SERPINB10: variants seen among roughly 807,000 people sequenced by gnomAD.
SERPINB10 encodes serpin B10.
A neutral mutation model predicts 39.1 loss-of-function variants in SERPINB10; 35 were observed. The ratio of observed to expected loss-of-function variants is 0.90; its 90% CI spans 0.68 to 1.19. The LOEUF is 1.19. Among genes scored for constraint, SERPINB10 ranks in the 50% most tolerant of loss-of-function variants. SERPINB10 has a pLI of 0.00. For missense variants in SERPINB10, 546 were observed against 460.5 expected, an observed-to-expected ratio of 1.19 and a Z score of -1.70; for synonymous variants, 190 against 158.1, an observed-to-expected ratio of 1.20 and a Z score of -1.52.
intron 1 of SERPINB10, among the ~76,000 whole-genome samples, chr18:63,914,808 G>T (rs1424979628): frequency 6.6e-6 from 1 of 151,908 alleles, no homozygotes; most frequent in Non-Finnish European, 1.5e-5. Context: ...CCAGCTGTTT[G>T]GTTGCTTCCA....
In SERPINB10 at chr18:63,934,886, G is replaced by T. The variant is rs1180492827; in HGVS notation, c.838G>T (p.Asp280Tyr). ...YEKLNEWTSA[D>Y]MMELYEVQLH... Reference sequence around the variant, plus strand: ...GAAGCTGAATGAGTGGACCAGTGCAGACATGATGGAGTTGTATGAAGTGCA... The same window carrying T: ...GAAGCTGAATGAGTGGACCAGTGCATACATGATGGAGTTGTATGAAGTGCA... Residue 280 changes from aspartate (D) to tyrosine (Y), a missense_variant, in exon 8 of 8, where the codon GAC becomes TAC. By Grantham distance (160) the Asp-to-Tyr change is radical (BLOSUM62 -3). Transcript: ENST00000238508. 6.2e-7 allele frequency: 1 copy of T among 1,614,118 alleles called. No homozygotes were observed. Among genetic ancestry groups the T allele is most frequent in the African/African-American group, 1.3e-5 (1 of 75,054 alleles).
intron 1 of SERPINB10, 108 bp from the exon 2 acceptor site, chr18:63,915,394 T>C (rs2050093607): frequency 1.5e-6 from 1 of 672,056 alleles, no homozygotes; most frequent in Non-Finnish European, 2.4e-6. Flanking sequence ...ATTCAGCTCA[T>C]ATGACAATGT....
chr18:63,912,280 C>T (rs1283925319), intron 1 of SERPINB10, among the ~76,000 whole-genome samples: 1 of 151,848 alleles, frequency 6.6e-6, no homozygotes, highest in Non-Finnish European at 1.5e-5. Flanking sequence ...TTATGTCTTT[C>T]TCTTGTCTCA....
chr18:63,910,412 G>A (rs1233620392), intron 1 of SERPINB10, among the ~76,000 whole-genome samples: 1 of 151,930 alleles, frequency 6.6e-6, no homozygotes, highest in Admixed American at 6.6e-5. Flanking sequence ...CCTAGGTAGT[G>A]AGCATAGTAC....
chr18:63,912,127 G>A (rs936710164), intron 1 of SERPINB10, among the ~76,000 whole-genome samples: 9 of 151,924 alleles, frequency 5.9e-5, no homozygotes, highest in Admixed American at 1.3e-4. Flanking sequence ...TTTGTACGTC[G>A]ATTTTGTGTT....
rs755816392 is a variant in SERPINB10 at position 63,934,777 on chromosome 18, T to C, written c.790-61T>C. On this transcript the variant is annotated intron_variant, in intron 7 of 7. Transcript: ENST00000238508. ...GTAATTCCTAGGGTGCTCTCTCTAC[T>C]ACTGTTTTTCATTCCACTTTGGAAT... is the stretch of plus-strand genomic sequence containing the variant. 1.2e-5 allele frequency: 19 copies of C among 1,528,044 alleles called. No homozygotes were observed. The East Asian group carries it at 3.2e-4, about 25-fold the overall frequency. The allele number at this position is 1,528,044 out of a possible 1,614,324, so 94.7% of individuals were successfully genotyped here.
intron 1 of SERPINB10, among the ~76,000 whole-genome samples, chr18:63,912,744 T>C (rs930256919): frequency 6.6e-6 from 1 of 152,004 alleles, no homozygotes; most frequent in South Asian, 2.1e-4. Flanking sequence ...GGTTTCTTCT[T>C]CTATTGTGTT....
At chr18:63,918,573 A>G (rs192289578) in intron 4 of SERPINB10, among the ~76,000 whole-genome samples, 44 of 152,150 alleles carry the variant, frequency 2.9e-4, no homozygotes, top group Admixed American at 2.2e-3. Context: ...ACCCAGGTCA[A>G]TAATTTCCTT....
At chr18:63,929,075 C>G (rs933516206) in intron 5 of SERPINB10, among the ~76,000 whole-genome samples, 17 of 152,122 alleles carry the variant, frequency 1.1e-4, no homozygotes, top group African/African-American at 3.9e-4. Context: ...CATAGTATCT[C>G]TTGGATACCA....
intron 5 of SERPINB10, among the ~76,000 whole-genome samples, chr18:63,923,672 G>A (rs2144730605): frequency 6.6e-6 from 1 of 151,710 alleles, no homozygotes; most frequent in South Asian, 2.1e-4. Context: ...AAATATAAAG[G>A]CCTTTAGGTA....
intron 7 of SERPINB10, 102 bp downstream of exon 7, chr18:63,933,305 T>A (rs2050237890): frequency 4.7e-6 from 6 of 1,283,620 alleles, no homozygotes; most frequent in Non-Finnish European, 6.7e-6. Flanking sequence ...GGAAGAATGT[T>A]CTCCCTATTA....
rs116901020 is a variant in SERPINB10, at chr18:63,923,594, T to C, written c.490+3689T>C. Among the ~76,000 whole-genome samples the C allele has an allele frequency of 6.1e-3, 926 of 152,062 alleles. 8 individuals carry two copies. The highest frequency in any genetic ancestry group is 0.01 in the Non-Finnish European group (693 of 67,916). ...GGTGTTCTGAGGTTTCAACATTATG[T>C]TCTAGGCAGGGGTCTTTTTATTTTT... is the stretch of plus-strand genomic sequence containing the variant. On this transcript the variant is annotated intron_variant, in intron 5 of 7. Transcript: ENST00000238508.
At chr18:63,911,488 T>G (rs2050064012) in intron 1 of SERPINB10, among the ~76,000 whole-genome samples, 1 of 152,064 alleles carries the variant, frequency 6.6e-6, no homozygotes. Context: ...CTTTCATTTT[T>G]CTGGATATGG....
At chr18:63,919,475 C>T (rs1483410218) in intron 4 of SERPINB10, among the ~76,000 whole-genome samples, 2 of 151,760 alleles carry the variant, frequency 1.3e-5, no homozygotes, top group East Asian at 1.9e-4. Flanking sequence ...ATTTGTAGTC[C>T]CTTTCCATTC....
At chr18:63,912,842 C>T (rs79858749) in intron 1 of SERPINB10, among the ~76,000 whole-genome samples, 1,549 of 151,974 alleles carry the variant, frequency 0.01, 21 homozygotes, top group African/African-American at 0.036. Context: ...GAAATTATTT[C>T]ATCAGCATTG....
chr18:63,925,274 C>T (rs1004191522), intron 5 of SERPINB10, among the ~76,000 whole-genome samples: 7 of 151,898 alleles, frequency 4.6e-5, no homozygotes, highest in African/African-American at 1.7e-4. Flanking sequence ...GTGTATAATG[C>T]ATACATTTCC....
At chr18:63,917,587 A>G in intron 3 of SERPINB10, 66 bp downstream of exon 3, 2 of 943,166 alleles carry the variant, frequency 2.1e-6, no homozygotes, top group Non-Finnish European at 3.1e-6. Flanking sequence ...CATGTATTTT[A>G]GTGATAACTG....
chr18:63,922,560 G>A (rs1197201082), intron 5 of SERPINB10, among the ~76,000 whole-genome samples: 1 of 151,892 alleles, frequency 6.6e-6, no homozygotes, highest in African/African-American at 2.4e-5. Flanking sequence ...GAAGGCTGGG[G>A]CAACTAATCT....
At chr18:63,912,255 C>T (rs1449184282) in intron 1 of SERPINB10, among the ~76,000 whole-genome samples, 2 of 151,774 alleles carry the variant, frequency 1.3e-5, no homozygotes, top group South Asian at 4.1e-4. Flanking sequence ...TCTTCTTTTC[C>T]TATTTGGGTG....
Sources: allele counts gnomAD v4.1 joint callset (sites outside exome capture counted in the v4.1 genomes callset), GRCh38; gene constraint gnomAD v4.1.1; transcripts MANE v1.5; gene names NCBI Gene and HGNC (gene_info 2026-07-23, HGNC 2026-07-21).